The following ERBB4 variants were observed in gnomAD, a reference collection of about 807,000 sequenced individuals.
ERBB4 encodes the protein receptor tyrosine-protein kinase erbB-4.
In ERBB4, 42 loss-of-function variants were observed where a neutral mutation model predicts 158.0. The ratio of observed to expected loss-of-function variants is 0.27; its 90% confidence interval spans 0.21 to 0.34. ERBB4 has a LOEUF of 0.34. ERBB4 is among the 10% of genes least tolerant of loss of function. The pLI is 1.00. For missense variants in ERBB4, 1,333 were observed against 1,624.1 expected (o/e 0.82, Z 3.08); for synonymous variants, 583 against 558.7 (o/e 1.04, Z -0.61).
chr2:211,400,921 A>C lies in ERBB4; in HGVS notation c.3136-12929T>G, dbSNP rs1378411044. The stretch of plus-strand genomic sequence containing the variant: ...AATATATACCTACTATGTACCCACA[A>C]AAATTAAATATTTAAAAATTTTTAA... On this transcript the variant is annotated intron_variant, in intron 25 of 27. Coordinates refer to ENST00000342788, the MANE Select transcript of ERBB4 (RefSeq NM_005235.3). 2.6e-5 allele frequency among the ~76,000 whole-genome samples: 4 copies of C among 152,228 alleles called. No homozygotes were observed. In the East Asian group the frequency reaches 5.8e-4, roughly 22 times the overall value.
intron 20 of ERBB4, among the ~76,000 whole-genome samples, chr2:211,528,095 C>T (rs1298512016): frequency 1.3e-5 from 2 of 151,960 alleles, no homozygotes; most frequent in Non-Finnish European, 2.9e-5. Context: ...AACCAATGAT[C>T]TCTTGCCTGC....
intron 3 of ERBB4, among the ~76,000 whole-genome samples, chr2:211,859,010 G>A (rs559456219): frequency 6.6e-6 from 1 of 152,194 alleles, no homozygotes; most frequent in East Asian, 1.9e-4. Context: ...TTGAACTCCT[G>A]ACCTCAGGTG....
At chr2:211,713,893 G>T (rs879331145) in intron 7 of ERBB4, among the ~76,000 whole-genome samples, 3 of 152,104 alleles carry the variant, frequency 2.0e-5, no homozygotes, top group African/African-American at 7.2e-5. Context: ...TTGCCCCCAA[G>T]ATAGAGTAGA....
At chr2:211,843,375 G>A (rs568825018) in intron 3 of ERBB4, among the ~76,000 whole-genome samples, 4 of 151,670 alleles carry the variant, frequency 2.6e-5, no homozygotes, top group African/African-American at 9.7e-5. Flanking sequence ...GTCGGTACTA[G>A]CAGGCCAACA....
At chr2:211,707,606 T>C (rs898613671) in intron 9 of ERBB4, among the ~76,000 whole-genome samples, 1 of 152,198 alleles carries the variant, frequency 6.6e-6, no homozygotes, top group South Asian at 2.1e-4. Context: ...CATGCTTATT[T>C]GGTGAGCATT....
chr2:211,990,698 A>T (rs1463353807), intron 2 of ERBB4, among the ~76,000 whole-genome samples: 1 of 151,914 alleles, frequency 6.6e-6, no homozygotes, highest in Non-Finnish European at 1.5e-5. Context: ...TTGGATGCTC[A>T]AGTGAAAAGT....
At chr2:212,038,394 A>T (rs936058888) in intron 2 of ERBB4, among the ~76,000 whole-genome samples, 1 of 152,106 alleles carries the variant, frequency 6.6e-6, no homozygotes, top group African/African-American at 2.4e-5. Context: ...GGCTTCTCCA[A>T]GGCTTTTTAC....
Position 211,712,778 on chromosome 2 carries a change from T to TG in ERBB4, c.998-603dup, listed in dbSNP as rs5838278. 7.3e-5 allele frequency among the ~76,000 whole-genome samples: 11 copies of TG among 151,162 alleles called. No homozygotes were observed. In the South Asian group the frequency reaches 8.4e-4, roughly 12 times the overall value. The stretch of plus-strand genomic sequence containing the variant: ...AAACAAAACAATTTTTGTGTGTGGG[T>TG]GGGGGGGGATGTATAGAGAAAGAGA... On this transcript the variant is annotated intron_variant, in intron 8 of 27. Transcript: ENST00000342788.
intron 18 of ERBB4, among the ~76,000 whole-genome samples, chr2:211,621,979 G>GA (rs2069623299): frequency 6.6e-6 from 1 of 152,054 alleles, no homozygotes; most frequent in Non-Finnish European, 1.5e-5. Context: ...TTCAGGTGGG[G>GA]AAAAATCCTG....
intron 20 of ERBB4, among the ~76,000 whole-genome samples, chr2:211,518,324 A>G (rs1311537682): frequency 6.6e-6 from 1 of 152,056 alleles, no homozygotes; most frequent in Non-Finnish European, 1.5e-5. Context: ...AGTAAGAACA[A>G]TTCATTAAGT....
intron 1 of ERBB4, among the ~76,000 whole-genome samples, chr2:212,513,082 A>T (rs978307272): frequency 1.3e-5 from 2 of 152,196 alleles, no homozygotes; most frequent in African/African-American, 4.8e-5. Flanking sequence ...AGAGTTTTCC[A>T]GACTTTAGTT....
At chr2:212,371,866 G>A (rs1468638044) in intron 1 of ERBB4, among the ~76,000 whole-genome samples, 1 of 152,124 alleles carries the variant, frequency 6.6e-6, no homozygotes, top group Admixed American at 6.5e-5. Flanking sequence ...GTGATGAAGA[G>A]TTACATAGGC....
intron 25 of ERBB4, 70 bp from the exon 26 acceptor site, chr2:211,388,062 A>G: frequency 3.2e-6 from 4 of 1,234,670 alleles, no homozygotes; most frequent in Non-Finnish European, 2.4e-6. Context: ...TAAAAAAAGA[A>G]ACGAAAAAGA....
chr2:211,818,805 A>G (rs2076930995), intron 3 of ERBB4, among the ~76,000 whole-genome samples: 1 of 152,088 alleles, frequency 6.6e-6, no homozygotes, highest in Admixed American at 6.6e-5. Flanking sequence ...GGAATGATAT[A>G]GTCAGTTCTC....
intron 1 of ERBB4, among the ~76,000 whole-genome samples, chr2:212,457,021 CTTT>C (rs1215431583): frequency 6.6e-6 from 1 of 151,840 alleles, no homozygotes; most frequent in Admixed American, 6.6e-5. Context: ...CCCCAAAGGA[CTTT>C]TTTCACAGAA....
At chr2:212,465,111 C>T (rs1688766453) in intron 1 of ERBB4, among the ~76,000 whole-genome samples, 1 of 152,022 alleles carries the variant, frequency 6.6e-6, no homozygotes, top group South Asian at 2.1e-4. Flanking sequence ...GAAGAATTAG[C>T]CCAGGAGGCT....
At chr2:212,163,241 C>A (rs907315442) in intron 1 of ERBB4, among the ~76,000 whole-genome samples, 1 of 151,994 alleles carries the variant, frequency 6.6e-6, no homozygotes, top group African/African-American at 2.4e-5. Flanking sequence ...TCTAATCTTT[C>A]ATGTTATTTC....
intron 2 of ERBB4, among the ~76,000 whole-genome samples, chr2:212,005,433 G>T (rs2076237565): frequency 6.6e-6 from 1 of 152,158 alleles, no homozygotes; most frequent in African/African-American, 2.4e-5. Context: ...CATGGTCAAA[G>T]AAAGGAAATT....
At chr2:211,939,633 C>A (rs2080429858) in intron 3 of ERBB4, among the ~76,000 whole-genome samples, 1 of 152,062 alleles carries the variant, frequency 6.6e-6, no homozygotes, top group Non-Finnish European at 1.5e-5. Context: ...AAATAGCATG[C>A]ACTCTTCATT....
Sources: allele counts gnomAD v4.1 joint callset (sites outside exome capture counted in the v4.1 genomes callset), GRCh38; gene constraint gnomAD v4.1.1; transcripts MANE v1.5; gene names NCBI Gene and HGNC (gene_info 2026-07-23, HGNC 2026-07-21).